Variants in SLC35F3 observed in about 807,000 individuals in gnomAD.
SLC35F3 encodes the protein solute carrier family 35 member F3.
A neutral mutation model predicts 49.9 loss-of-function variants in SLC35F3; 25 were observed. The observed-to-expected ratio is 0.50, with a 90% confidence interval of 0.37 to 0.70. SLC35F3 has a LOEUF of 0.70. Among genes scored for constraint, SLC35F3 ranks in the 30% least tolerant of loss-of-function variants. The pLI, the probability that SLC35F3 is intolerant of heterozygous loss-of-function variation, is 0.00. For missense variants in SLC35F3, 525 were observed against 639.8 expected, an observed-to-expected ratio of 0.82 and a Z score of 1.94; for synonymous variants, 275 against 265.4, an observed-to-expected ratio of 1.04 and a Z score of -0.35.
At chr1:234,173,992 A>G (rs1007007046) in intron 2 of SLC35F3, among the ~76,000 whole-genome samples, 2 of 152,324 alleles carry the variant, frequency 1.3e-5, no homozygotes, top group African/African-American at 4.8e-5. Flanking sequence ...AAAAGGGGCT[A>G]CCTGGGGAAT....
chr1:233,964,414 C>A (rs1191425714), intron 2 of SLC35F3, among the ~76,000 whole-genome samples: 1 of 152,214 alleles, frequency 6.6e-6, no homozygotes, highest in Non-Finnish European at 1.5e-5. Flanking sequence ...TACAGATACT[C>A]AACTGGAGCT....
At chr1:234,253,634 A>G (rs181123320) in intron 3 of SLC35F3, among the ~76,000 whole-genome samples, 107 of 152,244 alleles carry the variant, frequency 7.0e-4, no homozygotes, top group Non-Finnish European at 1.3e-3. Context: ...AACAGCAACA[A>G]CTAGAAAGAG....
intron 2 of SLC35F3, among the ~76,000 whole-genome samples, chr1:234,106,944 T>C (rs10910337): frequency 0.14 from 21,191 of 152,244 alleles, 3,215 homozygotes; most frequent in East Asian, 0.81. Context: ...TCTTGTCATT[T>C]ATAAAATTGT....
intron 1 of SLC35F3, 128 bp downstream of exon 1, chr1:233,905,258 G>C (rs1225009790): frequency 9.6e-7 from 1 of 1,040,830 alleles, no homozygotes; most frequent in African/African-American, 1.6e-5. Context: ...CGGTGGAGCT[G>C]CTCGGGAAGT....
chr1:234,013,688 A>G (rs748202276), intron 2 of SLC35F3, among the ~76,000 whole-genome samples: 30 of 152,102 alleles, frequency 2.0e-4, no homozygotes, highest in Non-Finnish European at 4.0e-4. Context: ...AAGGATTCTA[A>G]GAGATTACTA....
intron 2 of SLC35F3, among the ~76,000 whole-genome samples, chr1:234,225,559 A>G (rs1196210478): frequency 6.6e-6 from 1 of 152,214 alleles, no homozygotes; most frequent in Non-Finnish European, 1.5e-5. Context: ...AGCCTCTAAA[A>G]TGTGGGTACT....
Position 234,124,226 on chromosome 1 carries a change from C to G in SLC35F3, c.284-107191C>G, listed in dbSNP as rs140411263. Among the ~76,000 whole-genome samples, 618 of 152,302 alleles carry G rather than the reference C, an allele frequency of 4.1e-3. 7 individuals carry two copies. The highest frequency in any genetic ancestry group is 0.014 in the African/African-American group (580 of 41,550). On this transcript the variant is annotated intron_variant, in intron 2 of 7. Transcript: ENST00000366618. ...AAGAGCAGTGCTCTCCTAGCCAGTT[C>G]CCAAACGCCTTCTAGGTAACTCGGT...
At chr1:234,066,666 G>C (rs1183068528) in intron 2 of SLC35F3, among the ~76,000 whole-genome samples, 1 of 151,908 alleles carries the variant, frequency 6.6e-6, no homozygotes, top group Non-Finnish European at 1.5e-5. Context: ...TTCTCAAATA[G>C]AAGTTGGACG....
At chr1:234,197,330 A>G (rs1372935723) in intron 2 of SLC35F3, among the ~76,000 whole-genome samples, 2 of 152,294 alleles carry the variant, frequency 1.3e-5, no homozygotes, top group South Asian at 2.1e-4. Context: ...GGGGAAGGCC[A>G]TCTGGGGGAT....
intron 2 of SLC35F3, among the ~76,000 whole-genome samples, chr1:234,131,517 C>T (rs186234728): frequency 2.5e-4 from 38 of 152,148 alleles, no homozygotes; most frequent in Non-Finnish European, 5.1e-4. Context: ...TTTATGTACA[C>T]GGTGTTGCTG....
chr1:234,282,332 C>T (rs929041061), intron 3 of SLC35F3, among the ~76,000 whole-genome samples: 3 of 152,124 alleles, frequency 2.0e-5, no homozygotes, highest in African/African-American at 7.2e-5. Flanking sequence ...CCTCTAGGCC[C>T]CTCCTATGTC....
Position 233,915,540 on chromosome 1 carries a change from T to C in SLC35F3, c.283+9782T>C, listed in dbSNP as rs185631450. On this transcript the variant is annotated intron_variant, in intron 2 of 7. Coordinates refer to ENST00000366618, the MANE Select transcript of SLC35F3 (RefSeq NM_173508.4). ...ATTCCAGCCTGGGTGATAGAGCAAA[T>C]TCTTGTTTTTTTTTAAAAAAGTCCC... Among the ~76,000 whole-genome samples the C allele has an allele frequency of 1.4e-3, 216 of 151,608 alleles. 1 individual carries two copies. Among genetic ancestry groups the C allele is most frequent in the African/African-American group, 5.0e-3 (209 of 41,464 alleles).
intron 2 of SLC35F3, among the ~76,000 whole-genome samples, chr1:234,125,933 C>T (rs532073390): frequency 6.6e-6 from 1 of 152,192 alleles, no homozygotes; most frequent in African/African-American, 2.4e-5. Context: ...AGAACAGTCT[C>T]TGCAGTTCTG....
intron 2 of SLC35F3, among the ~76,000 whole-genome samples, chr1:233,923,545 G>C (rs1662103385): frequency 6.6e-6 from 1 of 152,150 alleles, no homozygotes; most frequent in Non-Finnish European, 1.5e-5. Flanking sequence ...AGGAGATTTT[G>C]GGCTGAGACA....
At chr1:234,088,628 C>A (rs1308688991) in intron 2 of SLC35F3, among the ~76,000 whole-genome samples, 1 of 152,138 alleles carries the variant, frequency 6.6e-6, no homozygotes, top group Admixed American at 6.5e-5. Context: ...TTTAGTTTGT[C>A]TAGTACTTTT....
chr1:234,033,342 C>T (rs570825777), intron 2 of SLC35F3, among the ~76,000 whole-genome samples: 6 of 152,068 alleles, frequency 3.9e-5, no homozygotes, highest in South Asian at 2.1e-4. Context: ...TTTGGCTGTG[C>T]GGAAGTTTTT....
At chr1:234,012,257 T>A (rs1386275117) in intron 2 of SLC35F3, among the ~76,000 whole-genome samples, 1 of 152,232 alleles carries the variant, frequency 6.6e-6, no homozygotes, top group Non-Finnish European at 1.5e-5. Flanking sequence ...TATCTCAGAA[T>A]TGAACAAATG....
At chr1:234,245,872 C>T (rs1454791072) in intron 3 of SLC35F3, among the ~76,000 whole-genome samples, 1 of 152,216 alleles carries the variant, frequency 6.6e-6, no homozygotes, top group African/African-American at 2.4e-5. Flanking sequence ...AGTGGACACA[C>T]AGCAGAAACT....
At chr1:234,148,321 T>C (rs558058707) in intron 2 of SLC35F3, among the ~76,000 whole-genome samples, 2 of 152,246 alleles carry the variant, frequency 1.3e-5, no homozygotes, top group Non-Finnish European at 2.9e-5. Context: ...CATTTCTCAC[T>C]GCTTTGTTTT....
Sources: gnomAD v4.1 joint callset for allele counts (sites outside exome capture counted in the v4.1 genomes callset) on GRCh38, gnomAD v4.1.1 for gene constraint, MANE v1.5 for transcripts, NCBI Gene and HGNC (gene_info 2026-07-23, HGNC 2026-07-21) for gene names.